The following ZCWPW2 variants were observed in gnomAD, a reference collection of about 807,000 sequenced individuals.
ZCWPW2 encodes zinc finger CW-type PWWP domain protein 2.
Under a neutral mutation model 46.6 loss-of-function variants are expected in ZCWPW2, and 45 were observed. The ratio of observed to expected loss-of-function variants is 0.96; its 90% CI spans 0.76 to 1.24. The LOEUF (loss-of-function observed/expected upper bound fraction) is 1.24, where lower values mean the gene tolerates loss of function less well. ZCWPW2 is among the 50% of genes most tolerant of loss of function. The pLI is 0.00. For synonymous variants in ZCWPW2, 152 were observed against 137.1 expected (o/e 1.11, Z -0.76); for missense variants, 429 against 403.9 (o/e 1.06, Z -0.53).
At chr3:28,457,582 C>T (rs986634706) in intron 4 of ZCWPW2, among the ~76,000 whole-genome samples, 4 of 152,198 alleles carry the variant, frequency 2.6e-5, no homozygotes, top group African/African-American at 9.7e-5. Context: ...AATGTCTCTA[C>T]CTGCAGCAGT....
At chr3:28,388,321 C>T (rs1021096196) in intron 1 of ZCWPW2, among the ~76,000 whole-genome samples, 4 of 152,148 alleles carry the variant, frequency 2.6e-5, no homozygotes, top group African/African-American at 9.7e-5. Context: ...TTAGCTATCA[C>T]AAGTCCCCCC....
At chr3:28,378,561 G>A (rs1328968138) in intron 1 of ZCWPW2, among the ~76,000 whole-genome samples, 1 of 152,038 alleles carries the variant, frequency 6.6e-6, no homozygotes, top group Non-Finnish European at 1.5e-5. Flanking sequence ...ATAAAGAGAT[G>A]TTCAGATCAT....
chr3:28,504,219 T>C (rs144487662), intron 6 of ZCWPW2, among the ~76,000 whole-genome samples: 15 of 152,164 alleles, frequency 9.9e-5, no homozygotes, highest in Non-Finnish European at 2.1e-4. Context: ...ATAATAACAA[T>C]AATTCTTTCA....
intron 5 of ZCWPW2, 29 bp from the exon 6 acceptor site, chr3:28,492,098 T>C: frequency 6.2e-7 from 1 of 1,605,740 alleles, no homozygotes; most frequent in Non-Finnish European, 8.5e-7. Context: ...GGCACTTTTT[T>C]GAAGCAGCCA....
intron 3 of ZCWPW2, among the ~76,000 whole-genome samples, chr3:28,434,378 TAG>T (rs1312599022): frequency 6.6e-6 from 1 of 152,078 alleles, no homozygotes; most frequent in Non-Finnish European, 1.5e-5. Context: ...AAAAGTAGAA[TAG>T]AATGGGTAAA....
intron 3 of ZCWPW2, among the ~76,000 whole-genome samples, chr3:28,424,590 A>C (rs866315331): frequency 6.6e-6 from 1 of 152,120 alleles, no homozygotes; most frequent in African/African-American, 2.4e-5. Flanking sequence ...GAAGAAACCA[A>C]ACATGTCAAT....
chr3:28,518,754 A>G (rs776086050), intron 8 of ZCWPW2, among the ~76,000 whole-genome samples: 12 of 152,192 alleles, frequency 7.9e-5, no homozygotes, highest in South Asian at 4.1e-4. Context: ...CTTCAAATCT[A>G]TCTTCTCAAC....
At chr3:28,474,628 C>T (rs987677241) in intron 4 of ZCWPW2, among the ~76,000 whole-genome samples, 45 of 136,718 alleles carry the variant, frequency 3.3e-4, no homozygotes, top group African/African-American at 9.1e-4. Flanking sequence ...TGTGCGCGCG[C>T]GCGCGCGCGC....
At position 28,435,189 on chromosome 3, in the gene ZCWPW2, C is replaced by T. The variant is rs1438429382; in HGVS notation, c.412C>T (p.His138Tyr). ...CCCGGATGGAAATGTTGAAGAGTAT[C>T]ACATAGAATTCCTGGGCGATCCCCA... ...YDPDGNVEEY[H>Y]IEFLGDPHSR... is the part of the protein sequence containing the mutation. The change falls in exon 4 of 10, where the codon CAC becomes TAC. Residue 138 changes from histidine (H) to tyrosine (Y), a missense_variant. Physicochemically the swap from His to Tyr is moderately conservative, Grantham distance 83. Transcript: ENST00000383768. 5 of 1,613,550 alleles carry T rather than the reference C, an allele frequency of 3.1e-6. No individual in the cohort carries two copies. The highest frequency in any genetic ancestry group is 4.2e-6 in the Non-Finnish European group (5 of 1,179,922).
Position 28,355,581 on chromosome 3 carries a change from A to G in ZCWPW2, c.-134+6378A>G, listed in dbSNP as rs983253310. 5.9e-5 allele frequency among the ~76,000 whole-genome samples: 9 copies of G among 152,308 alleles called. No homozygotes were observed. In the East Asian group the frequency reaches 9.6e-4, roughly 16 times the overall value. On this transcript the variant is annotated intron_variant, in intron 1 of 9. Transcript: ENST00000383768. ...AAAAGAACAAAGCTGGAGGCATCAC[A>G]CTACCTGACTTCAAACTATACTGCA...
At chr3:28,441,076 A>C (rs921816481) in intron 4 of ZCWPW2, among the ~76,000 whole-genome samples, 2 of 152,154 alleles carry the variant, frequency 1.3e-5, no homozygotes, top group African/African-American at 4.8e-5. Flanking sequence ...CACCATGGCC[A>C]CTTTGTTCAT....
At chr3:28,359,571 C>T (rs996163655) in intron 1 of ZCWPW2, among the ~76,000 whole-genome samples, 7 of 152,054 alleles carry the variant, frequency 4.6e-5, no homozygotes, top group African/African-American at 1.2e-4. Context: ...CAGAATACTT[C>T]GTAATCCTGA....
At chr3:28,442,192 A>G (rs1170927954) in intron 4 of ZCWPW2, among the ~76,000 whole-genome samples, 1 of 152,254 alleles carries the variant, frequency 6.6e-6, no homozygotes, top group Non-Finnish European at 1.5e-5. Context: ...TGCCTCCAAC[A>G]TCCAAATAAA....
chr3:28,395,553 A>G (rs954496177), intron 2 of ZCWPW2, among the ~76,000 whole-genome samples: 5 of 152,166 alleles, frequency 3.3e-5, no homozygotes, highest in Non-Finnish European at 7.4e-5. Flanking sequence ...TGGCTTTTAC[A>G]TACAATGGAA....
intron 6 of ZCWPW2, among the ~76,000 whole-genome samples, chr3:28,512,747 T>C (rs1436361148): frequency 6.6e-6 from 1 of 152,146 alleles, no homozygotes; most frequent in Non-Finnish European, 1.5e-5. Context: ...AATTTTAAAT[T>C]CAATGACTTG....
At chr3:28,387,532 A>G (rs1695321061) in intron 1 of ZCWPW2, among the ~76,000 whole-genome samples, 1 of 152,238 alleles carries the variant, frequency 6.6e-6, no homozygotes, top group Admixed American at 6.5e-5. Context: ...AAGCTGCAAA[A>G]ATAGTAGAAA....
chr3:28,477,818 G>A (rs1272207605), intron 4 of ZCWPW2, among the ~76,000 whole-genome samples: 1 of 151,872 alleles, frequency 6.6e-6, no homozygotes, highest in East Asian at 1.9e-4. Flanking sequence ...CCTTTTGCTG[G>A]TATTCAAAAT....
chr3:28,368,263 T>C (rs1319961882), intron 1 of ZCWPW2, among the ~76,000 whole-genome samples: 1 of 152,192 alleles, frequency 6.6e-6, no homozygotes, highest in Non-Finnish European at 1.5e-5. Flanking sequence ...CAATTTGGCA[T>C]GTTTTTGCAG....
chr3:28,414,908 G>A (rs1463676356), intron 3 of ZCWPW2, among the ~76,000 whole-genome samples: 1 of 970 alleles, frequency 1.0e-3, no homozygotes, highest in East Asian at 0.017. Flanking sequence ...GAATAGTGCC[G>A]CAATAAACAT....
Sources: gnomAD v4.1 joint callset for allele counts (sites outside exome capture counted in the v4.1 genomes callset) on GRCh38, gnomAD v4.1.1 for gene constraint, MANE v1.5 for transcripts, NCBI Gene and HGNC (gene_info 2026-07-23, HGNC 2026-07-21) for gene names.